The following SLC60A1 variants were observed in gnomAD, a reference collection of about 807,000 sequenced individuals.
SLC60A1 encodes solute carrier family 60 member 1.
At chr1:205,595,062 G>A in the SLC60A1 span, 2 of 152,208 alleles carry the variant, frequency 1.3e-5, no homozygotes, top group Admixed American at 6.5e-5. Flanking sequence ...AGCAGCACAT[G>A]TACTATAATT....
chr1:205,581,472 C>G, the SLC60A1 span, among the ~76,000 whole-genome samples: 1 of 152,244 alleles, frequency 6.6e-6, no homozygotes, highest in African/African-American at 2.4e-5. The surrounding 1 kb of genome is among the most constrained non-coding windows in gnomAD (Gnocchi z 4.2). Context: ...CCTGCCAAGT[C>G]AGCACTGACT....
the SLC60A1 span, chr1:205,569,129 C>G: frequency 6.5e-7 from 1 of 1,533,132 alleles, no homozygotes; most frequent in Non-Finnish European, 8.8e-7. Flanking sequence ...CCACGCTCAC[C>G]TACTGGAGCG....
the SLC60A1 span, among the ~76,000 whole-genome samples, chr1:205,571,937 A>G: frequency 3.3e-4 from 50 of 151,854 alleles, no homozygotes; most frequent in African/African-American, 1.1e-3. Context: ...CACATGGGAG[A>G]GGATAGTTGG....
At chr1:205,585,498 G>A in the SLC60A1 span, among the ~76,000 whole-genome samples, 1 of 152,214 alleles carries the variant, frequency 6.6e-6, no homozygotes, top group East Asian at 1.9e-4. This position sits in a 1 kb window ranked among gnomAD's most constrained non-coding sequence, Gnocchi z 4.2. Flanking sequence ...ATTATATTAG[G>A]GCAGTCGTGA....
the SLC60A1 span, among the ~76,000 whole-genome samples, chr1:205,587,718 A>G: frequency 6.6e-6 from 1 of 152,098 alleles, no homozygotes; most frequent in East Asian, 1.9e-4. Context: ...TGGGATGGAG[A>G]GCGGGAGTGG....
chr1:205,582,412 C>T, the SLC60A1 span, among the ~76,000 whole-genome samples: 1 of 152,246 alleles, frequency 6.6e-6, no homozygotes, highest in Admixed American at 6.5e-5. Context: ...TGCACACGCA[C>T]ACACACATGT....
At chr1:205,598,626 A>G in the SLC60A1 span, 3 of 154,828 alleles carry the variant, frequency 1.9e-5, no homozygotes, top group East Asian at 5.7e-4. Context: ...ATGATGTGAC[A>G]TCTGGGACTT....
chr1:205,593,072 C>T, the SLC60A1 span, among the ~76,000 whole-genome samples: 1 of 152,062 alleles, frequency 6.6e-6, no homozygotes, highest in Non-Finnish European at 1.5e-5. Flanking sequence ...CCCTAGCCTC[C>T]CGAGTGCCTA....
the SLC60A1 span, among the ~76,000 whole-genome samples, chr1:205,577,752 C>T: frequency 1.3e-5 from 2 of 152,174 alleles, no homozygotes; most frequent in Admixed American, 6.5e-5. This position sits in a 1 kb window ranked among gnomAD's most constrained non-coding sequence, Gnocchi z 5.2. Context: ...TGTGCACGCA[C>T]ACACACTCCT....
the SLC60A1 span, chr1:205,586,223 G>A: frequency 6.2e-7 from 1 of 1,612,516 alleles, no homozygotes; most frequent in South Asian, 1.1e-5. Flanking sequence ...CAGCTGAATA[G>A]CCTCCTCTCT....
the SLC60A1 span, among the ~76,000 whole-genome samples, chr1:205,597,345 C>T: frequency 6.8e-6 from 1 of 146,616 alleles, no homozygotes; most frequent in Non-Finnish European, 1.5e-5. Context: ...GGCCATCTTC[C>T]AGAGGTTTCC....
At chr1:205,581,183 G>C in the SLC60A1 span, among the ~76,000 whole-genome samples, 1 of 152,342 alleles carries the variant, frequency 6.6e-6, no homozygotes, top group Non-Finnish European at 1.5e-5. The surrounding 1 kb of genome is among the most constrained non-coding windows in gnomAD (Gnocchi z 4.2). Flanking sequence ...GTCAACTTTC[G>C]AATTATCTGA....
At chr1:205,597,676 C>T in the SLC60A1 span, 1 of 1,205,804 alleles carries the variant, frequency 8.3e-7, no homozygotes, top group Admixed American at 1.7e-5. Flanking sequence ...GATGTGCCTT[C>T]CGAAATGCAT....
the SLC60A1 span, chr1:205,592,082 T>C: frequency 6.2e-7 from 1 of 1,602,482 alleles, no homozygotes; most frequent in African/African-American, 1.3e-5. Context: ...TGGCGGTTCC[T>C]CACCACCGAT....
At chr1:205,580,772 C>A in the SLC60A1 span, 1 of 1,614,054 alleles carries the variant, frequency 6.2e-7, no homozygotes, top group Non-Finnish European at 8.5e-7. The surrounding 1 kb of genome is among the most constrained non-coding windows in gnomAD (Gnocchi z 5.0). Context: ...CACCACCTCC[C>A]GAGGCCACCT....
At chr1:205,579,853 C>A in the SLC60A1 span, 1 of 1,614,192 alleles carries the variant, frequency 6.2e-7, no homozygotes, top group African/African-American at 1.3e-5. Flanking sequence ...TGGCCTCAGT[C>A]ATGGCGCTGG....
At chr1:205,575,851 G>A in the SLC60A1 span, among the ~76,000 whole-genome samples, 7 of 152,176 alleles carry the variant, frequency 4.6e-5, no homozygotes, top group African/African-American at 1.7e-4. Flanking sequence ...TGGGGAAAGT[G>A]AGGCTCTTTC....
At chr1:205,589,325 G>C in the SLC60A1 span, among the ~76,000 whole-genome samples, 23 of 152,148 alleles carry the variant, frequency 1.5e-4, no homozygotes, top group Middle Eastern at 3.2e-3. Flanking sequence ...GGCTAACTTG[G>C]GGGGAGCACG....
At chr1:205,584,970 G>T in the SLC60A1 span, 3 of 1,613,798 alleles carry the variant, frequency 1.9e-6, no homozygotes, top group Non-Finnish European at 2.5e-6. Flanking sequence ...CCCTGGTACT[G>T]TTCATGACGG....
Sources: allele counts gnomAD v4.1 joint callset (sites outside exome capture counted in the v4.1 genomes callset), GRCh38; gene constraint gnomAD v4.1.1; non-coding constraint Gnocchi (gnomAD v3.1); transcripts MANE v1.5; gene names NCBI Gene and HGNC (gene_info 2026-07-23, HGNC 2026-07-21).